Variants in ADGRV1 observed in about 807,000 individuals in gnomAD.
The protein encoded by ADGRV1 is G-protein coupled receptor 98.
ADGRV1 carries 359 observed loss-of-function variants against 596.2 expected under a neutral mutation model. The ratio of observed to expected loss-of-function variants is 0.60; its 90% CI spans 0.55 to 0.66. ADGRV1 has a LOEUF of 0.66. Among genes scored for constraint, ADGRV1 ranks in the 30% least tolerant of loss-of-function variants. The pLI, the probability that ADGRV1 is intolerant of heterozygous loss-of-function variation, is 0.00. For missense variants in ADGRV1, 7,274 were observed against 7,575.6 expected, an observed-to-expected ratio of 0.96 and a Z score of 1.48; for synonymous variants, 2,681 against 2,679.2, an observed-to-expected ratio of 1.00 and a Z score of -0.02.
At chr5:91,006,020 C>T (rs1046829585) in intron 85 of ADGRV1, among the ~76,000 whole-genome samples, 3 of 152,184 alleles carry the variant, frequency 2.0e-5, no homozygotes, top group African/African-American at 4.8e-5. Flanking sequence ...TTCATAGCCA[C>T]TCATGCCTGC....
At chr5:90,649,965 A>T (rs1265582081) in intron 17 of ADGRV1, among the ~76,000 whole-genome samples, 13 of 152,188 alleles carry the variant, frequency 8.5e-5, no homozygotes, top group African/African-American at 2.9e-4. Context: ...TTTGTCTTTA[A>T]TATTTTTCCA....
At chr5:90,608,416 A>C (rs549622146) in intron 1 of ADGRV1, among the ~76,000 whole-genome samples, 1 of 152,238 alleles carries the variant, frequency 6.6e-6, no homozygotes, top group African/African-American at 2.4e-5. Context: ...AACCTTCCAA[A>C]GGGAGGACAA....
At position 90,672,549 on chromosome 5, in the gene ADGRV1, G is replaced by A. The variant is rs781073339; in HGVS notation, c.4756G>A (p.Ala1586Thr). The A allele has an allele frequency of 6.2e-7, 1 of 1,612,562 alleles. No individual in the cohort carries two copies. Among genetic ancestry groups the A allele is most frequent in the Non-Finnish European group, 8.5e-7 (1 of 1,179,008 alleles). ...GFTGACIPEI[A>T]EEGSTISCVV... ...AATAATTTACATTCAATTTCAGATT[G>A]CAGAGGAGGGATCAACCATTTCTTG... is the stretch of plus-strand genomic sequence containing the variant. Residue 1586 changes from alanine to threonine, a missense_variant, in exon 22 of 90, where the codon GCA (alanine) becomes ACA (threonine). This residue lies in a region of ADGRV1 where 3,643 missense variants were observed against 3,809.2 expected (regional missense o/e 0.96). Transcript: ENST00000405460.
intron 85 of ADGRV1, among the ~76,000 whole-genome samples, chr5:91,054,683 G>A (rs534014054): frequency 4.6e-5 from 7 of 152,246 alleles, no homozygotes; most frequent in South Asian, 2.1e-4. Context: ...TTTTATAAGA[G>A]TTCTAATCCC....
chr5:90,678,185 C>T (rs1247701711), intron 25 of ADGRV1, among the ~76,000 whole-genome samples: 2 of 151,994 alleles, frequency 1.3e-5, no homozygotes, highest in African/African-American at 2.4e-5. Flanking sequence ...TATTGACAGG[C>T]AAAAACACAG....
At chr5:90,596,343 CG>C (rs1188629548) in intron 1 of ADGRV1, among the ~76,000 whole-genome samples, 2 of 145,368 alleles carry the variant, frequency 1.4e-5, no homozygotes, top group Non-Finnish European at 3.0e-5. Flanking sequence ...ACATCCCAGA[CG>C]ATGGGCGGCC....
rs766772510 is a variant in ADGRV1 at position 90,774,118 on chromosome 5, T to C, written c.12286-68T>C. 13 of 740,502 alleles carry C rather than the reference T, an allele frequency of 1.8e-5. 1 individual carries two copies. Among genetic ancestry groups the C allele is most frequent in the Non-Finnish European group, 2.9e-5 (13 of 443,118 alleles). The allele number at this position is 740,502 out of a possible 1,614,324, so 45.9% of individuals were successfully genotyped here. ...ATTATGGACATAAACGTTATTCTGC[T>C]AATGACAACATTCAAACTTTGGCTT... On this transcript the variant is annotated intron_variant, in intron 59 of 89. Transcript: ENST00000405460.
intron 85 of ADGRV1, among the ~76,000 whole-genome samples, chr5:91,000,851 A>G (rs1459504764): frequency 6.6e-6 from 1 of 152,142 alleles, no homozygotes; most frequent in Non-Finnish European, 1.5e-5. Flanking sequence ...ATGATGTCCC[A>G]GTTTGAAGGC....
chr5:90,822,662 G>T (rs1407961583), intron 75 of ADGRV1, among the ~76,000 whole-genome samples: 2 of 152,182 alleles, frequency 1.3e-5, no homozygotes, highest in East Asian at 1.9e-4. Context: ...CCAATTCTGT[G>T]AAGAAAGTCA....
At chr5:90,763,085 CT>C (rs1756681834) in intron 58 of ADGRV1, 1 of 449,164 alleles carries the variant, frequency 2.2e-6, no homozygotes, top group African/African-American at 2.0e-5. Context: ...GTCACATGCT[CT>C]ACCTAATTGC....
intron 87 of ADGRV1, among the ~76,000 whole-genome samples, chr5:91,128,536 T>C (rs1432730539): frequency 1.3e-5 from 2 of 152,162 alleles, no homozygotes; most frequent in Non-Finnish European, 2.9e-5. Context: ...GATCCCTGGA[T>C]GAATAAATAC....
intron 84 of ADGRV1, among the ~76,000 whole-genome samples, chr5:90,982,183 A>G (rs1780131187): frequency 6.6e-6 from 1 of 152,166 alleles, no homozygotes; most frequent in Admixed American, 6.6e-5. Flanking sequence ...GTTTAATATG[A>G]GAAGTATTTA....
intron 89 of ADGRV1, among the ~76,000 whole-genome samples, chr5:91,158,544 G>A (rs556848409): frequency 4.6e-5 from 7 of 152,238 alleles, no homozygotes; most frequent in Admixed American, 3.3e-4. Flanking sequence ...TTTGTTCTAT[G>A]TACTTCCCTT....
rs1748328318 is a variant in ADGRV1 at position 90,704,417 on chromosome 5, A to G, written c.8315A>G (p.His2772Arg). The G allele has an allele frequency of 6.3e-7, 1 of 1,580,494 alleles. No homozygotes were observed. Among genetic ancestry groups the G allele is most frequent in the Non-Finnish European group, 8.6e-7 (1 of 1,161,386 alleles). ...EGSLNTTLFV[H>R]LLDDNIPEEK... ...TCGTTGAATACAACATTGTTTGTGC[A>G]TTTGTTGGATGACAACATTCCTGAG... Residue 2772 changes from histidine to arginine, a missense_variant, in exon 36 of 90, where the codon CAT becomes CGT. His to Arg is a conservative substitution (Grantham distance 29, BLOSUM62 0). Around this residue, in one of 5 missense-constraint regions of ADGRV1, gnomAD observed 3,643 missense variants for 3,809.2 expected, o/e 0.96. Coordinates refer to ENST00000405460, the MANE Select transcript of ADGRV1 (RefSeq NM_032119.4).
chr5:90,704,541 A>AT, intron 36 of ADGRV1, 53 bp downstream of exon 36: 1 of 1,112,230 alleles, frequency 9.0e-7, no homozygotes, highest in Non-Finnish European at 1.3e-6. Context: ...TCGTAAAAGA[A>AT]AGAAAATTGT....
At chr5:90,611,991 A>G (rs1762782035) in intron 1 of ADGRV1, among the ~76,000 whole-genome samples, 1 of 152,030 alleles carries the variant, frequency 6.6e-6, no homozygotes, top group Non-Finnish European at 1.5e-5. Context: ...CTTTTCATAC[A>G]GTGTGAAAAG....
chr5:90,722,276 G>C (rs1457945631), intron 45 of ADGRV1, among the ~76,000 whole-genome samples: 1 of 152,116 alleles, frequency 6.6e-6, no homozygotes, highest in East Asian at 1.9e-4. Flanking sequence ...AGTTGGATGG[G>C]AGAAGGGGTT....
intron 86 of ADGRV1, among the ~76,000 whole-genome samples, chr5:91,098,875 C>T (rs1057507438): frequency 2.0e-5 from 3 of 150,816 alleles, no homozygotes; most frequent in African/African-American, 7.5e-5. Context: ...CGCCCAGAGC[C>T]ATAAATAGAA....
At chr5:90,595,868 C>A (rs1490723175) in intron 1 of ADGRV1, among the ~76,000 whole-genome samples, 2 of 148,302 alleles carry the variant, frequency 1.3e-5, no homozygotes, top group African/African-American at 5.0e-5. Context: ...CCGGACGGGG[C>A]GGCTGGCCTG....
Sources: gnomAD v4.1 joint callset for allele counts (sites outside exome capture counted in the v4.1 genomes callset) on GRCh38, gnomAD v4.1.1 for gene constraint, gnomAD v4.1.1 regional missense constraint, MANE v1.5 for transcripts, NCBI Gene and HGNC (gene_info 2026-07-23, HGNC 2026-07-21) for gene names.